EXOC4: variants seen among roughly 807,000 people sequenced by gnomAD.
EXOC4 encodes SEC8-like 1.
In EXOC4, 71 loss-of-function variants were observed where a neutral mutation model predicts 107.2. The ratio of observed to expected loss-of-function variants is 0.66; its 90% CI spans 0.55 to 0.81. The LOEUF is 0.81. Ranked by LOEUF, EXOC4 falls within the 30% of genes least tolerant of loss-of-function variation. The probability of loss-of-function intolerance (pLI) is 0.00; values close to 1 mark genes in which losing one functional copy is unlikely to be tolerated. For synonymous variants in EXOC4, 456 were observed against 441.2 expected (o/e 1.03, Z -0.42); for missense variants, 1,108 against 1,189.6 (o/e 0.93, Z 1.01).
intron 9 of EXOC4, among the ~76,000 whole-genome samples, chr7:133,628,432 A>G (rs1802508667): frequency 6.6e-6 from 1 of 152,178 alleles, no homozygotes; most frequent in South Asian, 2.1e-4. Flanking sequence ...TCTAAAGTGG[A>G]ATATGGGAGT....
At chr7:133,575,547 A>G (rs927747605) in intron 9 of EXOC4, among the ~76,000 whole-genome samples, 3 of 152,194 alleles carry the variant, frequency 2.0e-5, no homozygotes, top group African/African-American at 4.8e-5. Context: ...TGATGGTAGG[A>G]TAGGGTAATG....
intron 5 of EXOC4, among the ~76,000 whole-genome samples, chr7:133,320,529 C>A (rs553127725): frequency 6.6e-6 from 1 of 152,132 alleles, no homozygotes; most frequent in Non-Finnish European, 1.5e-5. Context: ...ATAATTCTGG[C>A]TAATCTTCCC....
intron 6 of EXOC4, among the ~76,000 whole-genome samples, chr7:133,371,119 C>A (rs745673067): frequency 6.6e-6 from 1 of 152,162 alleles, no homozygotes; most frequent in Admixed American, 6.5e-5. Context: ...CACAACACCT[C>A]GCTTTTTGAG....
chr7:133,461,251 T>C (rs1798586478), intron 7 of EXOC4, among the ~76,000 whole-genome samples: 1 of 152,182 alleles, frequency 6.6e-6, no homozygotes, highest in Non-Finnish European at 1.5e-5. Flanking sequence ...ACCACTGTAT[T>C]TGTCTCTGCA....
At chr7:133,638,324 G>A (rs1283963709) in intron 10 of EXOC4, among the ~76,000 whole-genome samples, 2 of 152,148 alleles carry the variant, frequency 1.3e-5, no homozygotes, top group Non-Finnish European at 2.9e-5. Context: ...CAGTTAACTG[G>A]TTGTTGAATT....
intron 9 of EXOC4, among the ~76,000 whole-genome samples, chr7:133,511,774 C>T (rs1799773461): frequency 2.0e-5 from 3 of 151,470 alleles, no homozygotes; most frequent in South Asian, 4.2e-4. Context: ...CACCACTTCA[C>T]GCTTAACCAC....
chr7:133,994,630 A>G lies in EXOC4; in HGVS notation c.2207-2862A>G, dbSNP rs1187624590. On this transcript the variant is annotated intron_variant, in intron 14 of 17. Transcript: ENST00000253861. ...GTATTAGGAAAACAGCTCAAAGTGCATGTCTTCATAAAGCGATCAAGCACT... is the reference window on the plus strand; with the variant it reads ...GTATTAGGAAAACAGCTCAAAGTGCGTGTCTTCATAAAGCGATCAAGCACT... 3.3e-5 allele frequency among the ~76,000 whole-genome samples: 5 copies of G among 152,210 alleles called. No individual in the cohort carries two copies. In the East Asian group the frequency reaches 7.7e-4, roughly 23 times the overall value.
intron 14 of EXOC4, among the ~76,000 whole-genome samples, chr7:133,940,145 A>G (rs984530499): frequency 1.3e-5 from 2 of 152,208 alleles, no homozygotes; most frequent in African/African-American, 4.8e-5. Flanking sequence ...CTAGATTTCT[A>G]TTCTGCCCAT....
At chr7:134,083,159 A>G in the EXOC4 span, among the ~76,000 whole-genome samples, 1 of 152,182 alleles carries the variant, frequency 6.6e-6, no homozygotes, top group Admixed American at 6.5e-5. Flanking sequence ...AAGATTTGCT[A>G]TTCACCAAGA....
Position 133,450,294 on chromosome 7 carries a change from A to G in EXOC4, c.1183-25034A>G, listed in dbSNP as rs532543816. The stretch of plus-strand genomic sequence containing the variant: ...TCCTCCTGCCTCAGGCTCCTTGAGT[A>G]GTTGGGACTACAGGGGTGTGTCACC... On this transcript the variant is annotated intron_variant, in intron 7 of 17. Transcript: ENST00000253861. Among the ~76,000 whole-genome samples, 5 of 152,104 alleles carry G rather than the reference A, an allele frequency of 3.3e-5. No individual in the cohort carries two copies. The East Asian group carries it at 9.7e-4, about 30-fold the overall frequency.
chr7:133,960,925 C>T (rs1343035738), intron 14 of EXOC4, among the ~76,000 whole-genome samples: 1 of 152,116 alleles, frequency 6.6e-6, no homozygotes, highest in Non-Finnish European at 1.5e-5. Flanking sequence ...CTTCACAATC[C>T]TGTGTAAGTT....
At chr7:133,415,073 T>A (rs1797444628) in intron 7 of EXOC4, among the ~76,000 whole-genome samples, 1 of 152,172 alleles carries the variant, frequency 6.6e-6, no homozygotes, top group African/African-American at 2.4e-5. Context: ...AGTTAGATAA[T>A]GTTTTTGAGG....
At chr7:133,821,153 G>A (rs1475280675) in intron 11 of EXOC4, among the ~76,000 whole-genome samples, 2 of 152,210 alleles carry the variant, frequency 1.3e-5, no homozygotes, top group African/African-American at 4.8e-5. Flanking sequence ...AATGATAGCA[G>A]CTAACACTTT....
chr7:133,471,482 A>G (rs1017370118), intron 7 of EXOC4, among the ~76,000 whole-genome samples: 2 of 152,166 alleles, frequency 1.3e-5, no homozygotes, highest in African/African-American at 4.8e-5. Flanking sequence ...TTAAAATAGT[A>G]TTTTCCAGCT....
At chr7:133,896,639 A>G (rs1336699139) in intron 12 of EXOC4, among the ~76,000 whole-genome samples, 2 of 148,264 alleles carry the variant, frequency 1.3e-5, no homozygotes, top group Admixed American at 6.7e-5. Flanking sequence ...GTTGCCCCCT[A>G]TTTTATTTTA....
At chr7:133,916,845 C>T (rs1799819957) in intron 12 of EXOC4, among the ~76,000 whole-genome samples, 1 of 152,142 alleles carries the variant, frequency 6.6e-6, no homozygotes. Flanking sequence ...AAATTAGTTA[C>T]AGTGACACAT....
chr7:133,848,792 A>T (rs1480737302), intron 11 of EXOC4, among the ~76,000 whole-genome samples: 1 of 152,080 alleles, frequency 6.6e-6, no homozygotes, highest in Non-Finnish European at 1.5e-5. Context: ...TCATTTTATT[A>T]TTGTCTTTTC....
rs193287413 is a variant in EXOC4, at chr7:134,061,796, C to G, written c.2688-2495C>G. ...AATAGGGGCCAATATCAGTGAGAGC[C>G]AGGGGACATGCAGAGCTGTAGGATA... On this transcript the variant is annotated intron_variant, in intron 17 of 17. Coordinates refer to ENST00000253861, the MANE Select transcript of EXOC4 (RefSeq NM_021807.4). Among the ~76,000 whole-genome samples, 4 of 152,188 alleles carry G rather than the reference C, an allele frequency of 2.6e-5. No homozygotes were observed. The East Asian group carries it at 7.7e-4, about 29-fold the overall frequency.
At chr7:133,738,955 G>A (rs1348392476) in intron 10 of EXOC4, among the ~76,000 whole-genome samples, 3 of 152,158 alleles carry the variant, frequency 2.0e-5, no homozygotes, top group Admixed American at 6.5e-5. Context: ...TTGTAGCTGT[G>A]AAGAGAGCGA....
Sources: gnomAD v4.1 joint callset for allele counts (sites outside exome capture counted in the v4.1 genomes callset) on GRCh38, gnomAD v4.1.1 for gene constraint, MANE v1.5 for transcripts, NCBI Gene and HGNC (gene_info 2026-07-23, HGNC 2026-07-21) for gene names.